Variants in MARCHF1 observed in about 807,000 individuals in gnomAD.
The protein encoded by MARCHF1 is E3 ubiquitin-protein ligase MARCHF1.
MARCHF1 carries 40 observed loss-of-function variants against 54.2 expected under a neutral mutation model. The observed-to-expected ratio is 0.74, with a 90% confidence interval of 0.57 to 0.96. The LOEUF is 0.96. Ranked by LOEUF, MARCHF1 falls within the 40% of genes least tolerant of loss-of-function variation. The pLI is 0.00. For missense variants in MARCHF1, 586 were observed against 656.5 expected (o/e 0.89, Z 1.17); for synonymous variants, 236 against 236.3 (o/e 1.00, Z 0.01).
chr4:163,825,193 G>A (rs563015453), intron 4 of MARCHF1, among the ~76,000 whole-genome samples: 64 of 152,048 alleles, frequency 4.2e-4, no homozygotes, highest in Non-Finnish European at 8.2e-4. Flanking sequence ...AACATGCTGC[G>A]TTTGGTTTTC....
chr4:164,358,489 A>G (rs6850692), intron 1 of MARCHF1, among the ~76,000 whole-genome samples: 65,158 of 152,024 alleles, frequency 0.43, 14,787 homozygotes, highest in Non-Finnish European at 0.5. Flanking sequence ...TCAAAATGAA[A>G]CGTACTAAAC....
intron 1 of MARCHF1, among the ~76,000 whole-genome samples, chr4:164,380,108 C>A (rs1376599284): frequency 1.3e-5 from 2 of 151,906 alleles, no homozygotes; most frequent in Non-Finnish European, 2.9e-5. Context: ...AATACATAAC[C>A]ACTTACTTCA....
chr4:164,097,473 CATT>C (rs1392849195), intron 2 of MARCHF1, among the ~76,000 whole-genome samples: 1 of 152,090 alleles, frequency 6.6e-6, no homozygotes, highest in African/African-American at 2.4e-5. Context: ...GATTTATACT[CATT>C]AGAGTTTCAA....
Position 164,259,045 on chromosome 4 carries a change from A to G in MARCHF1, c.-323+124825T>C, listed in dbSNP as rs1263343861. 3.3e-5 allele frequency among the ~76,000 whole-genome samples: 5 copies of G among 152,324 alleles called. No homozygotes were observed. The East Asian group carries it at 9.6e-4, about 29-fold the overall frequency. ...TCTGAGAATCTATTTTATTATAGGCATGATGTTTATGATATTTAGAGGTAA... is the reference window on the plus strand; with the variant it reads ...TCTGAGAATCTATTTTATTATAGGCGTGATGTTTATGATATTTAGAGGTAA... On this transcript the variant is annotated intron_variant, in intron 1 of 9. Coordinates refer to ENST00000514618, the MANE Select transcript of MARCHF1 (RefSeq NM_001394959.1).
intron 1 of MARCHF1, among the ~76,000 whole-genome samples, chr4:164,214,641 C>G (rs1731876676): frequency 6.6e-6 from 1 of 152,116 alleles, no homozygotes; most frequent in Non-Finnish European, 1.5e-5. Context: ...AGTTTAGAAG[C>G]CAGCTCACAA....
rs1458655238 is a variant in MARCHF1 at position 163,733,193 on chromosome 4, A to ACATACACATG, written c.112-32331_112-32330insCATGTGTATG. Among the ~76,000 whole-genome samples the ACATACACATG allele has an allele frequency of 9.2e-5, 2 of 21,802 alleles. 1 individual carries two copies. Among genetic ancestry groups the ACATACACATG allele is most frequent in the South Asian group, 4.1e-3 (2 of 486 alleles). The allele number at this position is 21,802 out of a possible 152,430, so 14.3% of individuals were successfully genotyped here. A position where few individuals can be genotyped will look rare whatever the true frequency, so the allele number is the denominator to read the frequency against. On this transcript the variant is annotated intron_variant, in intron 4 of 9. Transcript: ENST00000514618. ...TGTATGTGTGTATATATATATATAT[A>ACATACACATG]TATATATATATATATATATATATAT...
rs1032753698 is a variant in MARCHF1 at position 163,528,068 on chromosome 4, A to C, written c.*680T>G. The C allele has an allele frequency of 6.5e-6, 1 of 152,714 alleles. No individual in the cohort carries two copies. Among genetic ancestry groups the C allele is most frequent in the Middle Eastern group, 3.4e-3 (1 of 294 alleles). The allele number at this position is 152,714 out of a possible 1,614,324, so 9.5% of individuals were successfully genotyped here. On this transcript the variant is annotated 3_prime_UTR_variant, in exon 10 of 10. Coordinates refer to ENST00000514618, the MANE Select transcript of MARCHF1 (RefSeq NM_001394959.1). ...TAACAGTTCTGTGGGTATTTAACAG[A>C]GCTAATTATATCCGAACATTTTCTG...
intron 3 of MARCHF1, among the ~76,000 whole-genome samples, chr4:163,958,013 G>A (rs2110801895): frequency 6.6e-6 from 1 of 152,060 alleles, no homozygotes; most frequent in African/African-American, 2.4e-5. Context: ...CTTACAATAA[G>A]AGCCCGAAAG....
intron 5 of MARCHF1, among the ~76,000 whole-genome samples, chr4:163,625,283 C>A (rs868758273): frequency 3.9e-5 from 6 of 152,174 alleles, no homozygotes; most frequent in South Asian, 4.1e-4. Context: ...GTTAATCTTG[C>A]TCTAGCATTT....
chr4:163,971,125 C>G (rs1560841902), intron 3 of MARCHF1, among the ~76,000 whole-genome samples: 1 of 148,004 alleles, frequency 6.8e-6, no homozygotes, highest in Non-Finnish European at 1.5e-5. Context: ...CAAAACACTT[C>G]TCTCTCGTAC....
At chr4:164,151,180 C>T (rs1312056403) in intron 1 of MARCHF1, among the ~76,000 whole-genome samples, 1 of 152,080 alleles carries the variant, frequency 6.6e-6, no homozygotes, top group African/African-American at 2.4e-5. Flanking sequence ...TGTTTTAAGA[C>T]AATGTATGCA....
At chr4:164,019,117 A>T (rs1443617394) in intron 2 of MARCHF1, among the ~76,000 whole-genome samples, 1 of 152,164 alleles carries the variant, frequency 6.6e-6, no homozygotes, top group Non-Finnish European at 1.5e-5. Flanking sequence ...CCAGCAAAGG[A>T]ATGAAGAGTG....
rs1462202304 is a variant in MARCHF1 at position 163,613,349 on chromosome 4, C to T, written c.207G>A (p.Arg69=). ...CCTGAGTGGATGGACAGACAGACAA[C>T]CTTGACTGGCTCCTGGGAGCTGTCC... The part of the protein sequence containing the change: ...TTGTAPRSQS[R]LSVCPSTQDI... Residue 69 remains arginine, a synonymous_variant, in exon 6 of 10, where the codon AGG becomes AGA. Coordinates refer to ENST00000514618, the MANE Select transcript of MARCHF1 (RefSeq NM_001394959.1). The T allele has an allele frequency of 6.2e-7, 1 of 1,613,016 alleles. No individual in the cohort carries two copies. Among genetic ancestry groups the T allele is most frequent in the Non-Finnish European group, 8.5e-7 (1 of 1,179,420 alleles).
intron 4 of MARCHF1, among the ~76,000 whole-genome samples, chr4:163,710,430 T>C (rs193013126): frequency 1.4e-3 from 216 of 152,270 alleles, no homozygotes; most frequent in Non-Finnish European, 2.1e-3. Flanking sequence ...GTATTTATAA[T>C]TGGGCAGTCC....
chr4:163,624,533 G>T (rs1379359994), intron 5 of MARCHF1, among the ~76,000 whole-genome samples: 1 of 152,138 alleles, frequency 6.6e-6, no homozygotes, highest in East Asian at 1.9e-4. Context: ...AAAAGTTCTT[G>T]TCCCAGGTTC....
intron 9 of MARCHF1, among the ~76,000 whole-genome samples, chr4:163,533,248 T>C (rs1459174188): frequency 1.3e-5 from 2 of 151,962 alleles, no homozygotes; most frequent in African/African-American, 2.4e-5. Context: ...AAGAGGTCAG[T>C]CTGAAAAAGC....
chr4:163,671,755 T>C (rs1026362222), intron 5 of MARCHF1, among the ~76,000 whole-genome samples: 1 of 152,188 alleles, frequency 6.6e-6, no homozygotes, highest in Non-Finnish European at 1.5e-5. Context: ...AAGCAGGTCA[T>C]GGCATAATTT....
At chr4:163,867,936 C>T (rs75442847) in intron 3 of MARCHF1, among the ~76,000 whole-genome samples, 23,572 of 150,580 alleles carry the variant, frequency 0.16, 2,027 homozygotes, top group Non-Finnish European at 0.18. Context: ...ATGCTATCTA[C>T]ACTAGAATAC....
intron 4 of MARCHF1, among the ~76,000 whole-genome samples, chr4:163,843,679 A>C (rs1323865838): frequency 6.6e-6 from 1 of 151,486 alleles, no homozygotes; most frequent in African/African-American, 2.4e-5. Context: ...CCTTTCCCTA[A>C]TTCTCTCCCC....
Sources: allele counts gnomAD v4.1 joint callset (sites outside exome capture counted in the v4.1 genomes callset), GRCh38; gene constraint gnomAD v4.1.1; transcripts MANE v1.5; gene names NCBI Gene and HGNC (gene_info 2026-07-23, HGNC 2026-07-21).